Variants in MTRF1 observed in about 807,000 individuals in gnomAD.
The protein encoded by MTRF1 is mitochondrial translation release factor 1, also known as peptide chain release factor 1, mitochondrial.
MTRF1 carries 51 observed loss-of-function variants against 62.9 expected under a neutral mutation model. The ratio of observed to expected loss-of-function variants is 0.81; its 90% CI spans 0.65 to 1.02. MTRF1 has a LOEUF of 1.02. Ranked by LOEUF, MTRF1 falls within the 50% of genes least tolerant of loss-of-function variation. The pLI is 0.00. For missense variants in MTRF1, 446 were observed against 530.0 expected (o/e 0.84, Z 1.56); for synonymous variants, 158 against 181.9 (o/e 0.87, Z 1.06).
At chr13:41,297,245 G>A in the MTRF1 span, among the ~76,000 whole-genome samples, 1 of 152,174 alleles carries the variant, frequency 6.6e-6, no homozygotes, top group Non-Finnish European at 1.5e-5. Flanking sequence ...CACTTCCACA[G>A]TACATCTCCC....
chr13:41,248,493 C>A (rs1177550099), intron 5 of MTRF1, among the ~76,000 whole-genome samples: 2 of 152,186 alleles, frequency 1.3e-5, no homozygotes, highest in African/African-American at 4.8e-5. Context: ...AGTGGGGTAC[C>A]ACCAGTTGGC....
chr13:41,247,723 T>G (rs545976789), intron 5 of MTRF1, among the ~76,000 whole-genome samples: 7 of 152,314 alleles, frequency 4.6e-5, no homozygotes, highest in African/African-American at 1.7e-4. Context: ...CCCACCATAA[T>G]AGCCTTTGCT....
At chr13:41,265,300 T>C (rs963168406), upstream of MTRF1, among the ~76,000 whole-genome samples, 1 of 151,748 alleles carries the variant, frequency 6.6e-6, no homozygotes, top group Non-Finnish European at 1.5e-5. Context: ...CTCATGCTTG[T>C]AATCCTAGCT....
At chr13:41,264,830 A>C (rs1365833317), upstream of MTRF1, among the ~76,000 whole-genome samples, 1 of 152,186 alleles carries the variant, frequency 6.6e-6, no homozygotes, top group African/African-American at 2.4e-5. Flanking sequence ...TGTGGCTCCT[A>C]AGCTCTGATA....
chr13:41,284,695 C>T, the MTRF1 span, among the ~76,000 whole-genome samples: 7 of 151,678 alleles, frequency 4.6e-5, no homozygotes, highest in Non-Finnish European at 1.0e-4. Flanking sequence ...GGCGTGATAT[C>T]GACGCTGGAG....
the MTRF1 span, among the ~76,000 whole-genome samples, chr13:41,294,032 A>G: frequency 6.6e-6 from 1 of 152,208 alleles, no homozygotes; most frequent in Admixed American, 6.5e-5. Flanking sequence ...ATTAAATTTA[A>G]GAGTTAAAAA....
At chr13:41,303,618 T>C in the MTRF1 span, among the ~76,000 whole-genome samples, 1 of 152,126 alleles carries the variant, frequency 6.6e-6, no homozygotes, top group African/African-American at 2.4e-5. Context: ...TCAGAGCCAT[T>C]TGAACCAGAG....
intron 2 of MTRF1, among the ~76,000 whole-genome samples, chr13:41,260,013 C>T (rs1416990436): frequency 6.6e-6 from 1 of 152,188 alleles, no homozygotes; most frequent in Admixed American, 6.5e-5. Context: ...TCTGAAAAGA[C>T]CAACATTTTG....
At chr13:41,263,774 G>A (rs924493689), upstream of MTRF1, among the ~76,000 whole-genome samples, 4 of 151,566 alleles carry the variant, frequency 2.6e-5, no homozygotes, top group African/African-American at 9.7e-5. Flanking sequence ...CTTATCCAGA[G>A]CGTGAGCCCA....
the MTRF1 span, among the ~76,000 whole-genome samples, chr13:41,306,374 A>G: frequency 1.3e-5 from 2 of 150,346 alleles, no homozygotes; most frequent in Non-Finnish European, 3.0e-5. Flanking sequence ...ACGGAGTGAG[A>G]CTCCGTCTCA....
intron 5 of MTRF1, among the ~76,000 whole-genome samples, 166 bp from the exon 6 acceptor site, chr13:41,240,599 A>G (rs973439947): frequency 3.9e-5 from 6 of 152,216 alleles, no homozygotes; most frequent in Non-Finnish European, 8.8e-5. Context: ...AAGAGGACAT[A>G]AAGTATGCAC....
chr13:41,300,568 A>G, the MTRF1 span, among the ~76,000 whole-genome samples: 10 of 150,274 alleles, frequency 6.7e-5, no homozygotes, highest in African/African-American at 2.5e-4. Flanking sequence ...CCTGGGCGAC[A>G]CAGCAAGACT....
intron 8 of MTRF1, among the ~76,000 whole-genome samples, chr13:41,225,543 C>T (rs150291653): frequency 1.1e-3 from 167 of 151,998 alleles, no homozygotes; most frequent in African/African-American, 3.7e-3. Context: ...AAGCTAGAAA[C>T]GTGAAAGTGT....
At chr13:41,286,785 T>G in the MTRF1 span, among the ~76,000 whole-genome samples, 1 of 152,212 alleles carries the variant, frequency 6.6e-6, no homozygotes, top group African/African-American at 2.4e-5. Flanking sequence ...TTAACAAAAA[T>G]TCAGTATAAA....
chr13:41,301,537 C>G, the MTRF1 span, among the ~76,000 whole-genome samples: 4 of 152,134 alleles, frequency 2.6e-5, no homozygotes, highest in African/African-American at 9.7e-5. Flanking sequence ...CACCTGAAGT[C>G]AGGAGTTTGA....
chr13:41,308,539 G>A, the MTRF1 span, among the ~76,000 whole-genome samples: 1 of 152,154 alleles, frequency 6.6e-6, no homozygotes, highest in East Asian at 1.9e-4. Context: ...GAGTATGAGG[G>A]TGCTGAGAGG....
chr13:41,307,199 C>T, the MTRF1 span, among the ~76,000 whole-genome samples: 2 of 152,148 alleles, frequency 1.3e-5, no homozygotes, highest in Admixed American at 1.3e-4. Context: ...CCCCCCCACC[C>T]CAATCTCATC....
the MTRF1 span, among the ~76,000 whole-genome samples, chr13:41,301,985 T>G: frequency 2.0e-5 from 3 of 152,140 alleles, no homozygotes; most frequent in Non-Finnish European, 4.4e-5. Flanking sequence ...ATTTAAACTT[T>G]CTTCTTCAGA....
At chr13:41,232,900 C>G (rs1400775661) in intron 7 of MTRF1, among the ~76,000 whole-genome samples, 1 of 151,888 alleles carries the variant, frequency 6.6e-6, no homozygotes, top group East Asian at 1.9e-4. Context: ...GACTCAGAGT[C>G]AAAGAAAAGT....
Sources: allele counts gnomAD v4.1 joint callset (sites outside exome capture counted in the v4.1 genomes callset), GRCh38; gene constraint gnomAD v4.1.1; transcripts MANE v1.5; gene names NCBI Gene and HGNC (gene_info 2026-07-23, HGNC 2026-07-21).